Variants in KIRREL3 observed in about 807,000 individuals in gnomAD.
The protein encoded by KIRREL3 is kirre like nephrin family adhesion molecule 3.
A neutral mutation model predicts 89.7 loss-of-function variants in KIRREL3; 36 were observed. That is an observed-to-expected ratio of 0.40 (90% confidence interval 0.31 to 0.53). The LOEUF is 0.53. Ranked by LOEUF, KIRREL3 falls within the 20% of genes least tolerant of loss-of-function variation. The probability of loss-of-function intolerance (pLI) is 0.49; values close to 1 mark genes in which losing one functional copy is unlikely to be tolerated. For synonymous variants in KIRREL3, 445 were observed against 441.4 expected (o/e 1.01, Z -0.10); for missense variants, 864 against 1,056.6 (o/e 0.82, Z 2.53).
rs1949068594 is a variant in KIRREL3 at position 126,744,199 on chromosome 11, G to A, written c.56-181287C>T. On this transcript the variant is annotated intron_variant, in intron 1 of 16. Transcript: ENST00000525144. The surrounding 1 kb of genome is among the most constrained non-coding windows in gnomAD (Gnocchi z 4.7). ...CTGAAGGGCCTTGGGTGCCAGTCAA[G>A]GGACAAAATGGACATTGGTTTGTCT... Among the ~76,000 whole-genome samples the A allele has an allele frequency of 6.6e-6, 1 of 152,166 alleles. No homozygotes were observed. Among genetic ancestry groups the A allele is most frequent in the East Asian group, 1.9e-4 (1 of 5,140 alleles).
intron 1 of KIRREL3, among the ~76,000 whole-genome samples, chr11:126,927,024 A>T (rs1468941310): frequency 6.6e-6 from 1 of 152,244 alleles, no homozygotes; most frequent in East Asian, 1.9e-4. Flanking sequence ...AAATATTGGC[A>T]ATCGAGCTGA....
Position 126,976,082 on chromosome 11 carries a change from A to T in KIRREL3, c.55+24373T>A, listed in dbSNP as rs1177077148. The stretch of plus-strand genomic sequence containing the variant: ...CAGAGGGTGCCATGGGGGTGTTAGC[A>T]TCTTCCAGATGAACACATCGCTTTC... On this transcript the variant is annotated intron_variant, in intron 1 of 16. Transcript: ENST00000525144. This position sits in a 1 kb window ranked among gnomAD's most constrained non-coding sequence, Gnocchi z 4.2. Among the ~76,000 whole-genome samples, 1 of 151,976 alleles carries T rather than the reference A, an allele frequency of 6.6e-6. No homozygotes were observed. Among genetic ancestry groups the T allele is most frequent in the East Asian group, 1.9e-4 (1 of 5,174 alleles).
chr11:126,974,187 CTT>C (rs1209374805), intron 1 of KIRREL3, among the ~76,000 whole-genome samples: 1 of 152,166 alleles, frequency 6.6e-6, no homozygotes, highest in Non-Finnish European at 1.5e-5. Flanking sequence ...TTGTCCATCT[CTT>C]TGTTTCAAAT....
At chr11:126,854,624 T>C (rs1180116854) in intron 1 of KIRREL3, among the ~76,000 whole-genome samples, 1 of 152,236 alleles carries the variant, frequency 6.6e-6, no homozygotes, top group Non-Finnish European at 1.5e-5. Context: ...CATTTGTCCA[T>C]TGATAGATGA....
rs1184260643 is a variant in KIRREL3, at chr11:126,694,135, C to A, written c.56-131223G>T. Among the ~76,000 whole-genome samples the A allele has an allele frequency of 6.6e-6, 1 of 152,216 alleles. No homozygotes were observed. Among genetic ancestry groups the A allele is most frequent in the African/African-American group, 2.4e-5 (1 of 41,446 alleles). ...AGCATGGGCTCCATCCCTAAGGGAG[C>A]CACATTCGTTTTTTTTCCTTTCAAA... is the stretch of plus-strand genomic sequence containing the variant. On this transcript the variant is annotated intron_variant, in intron 1 of 16. Coordinates refer to ENST00000525144, the MANE Select transcript of KIRREL3 (RefSeq NM_032531.4). The surrounding 1 kb of genome is among the most constrained non-coding windows in gnomAD (Gnocchi z 4.4).
At chr11:126,547,544 G>A (rs550865158) in intron 2 of KIRREL3, among the ~76,000 whole-genome samples, 30 of 152,192 alleles carry the variant, frequency 2.0e-4, no homozygotes, top group Non-Finnish European at 3.5e-4. Flanking sequence ...ACGGGGTAGG[G>A]GACCCACTGC....
At chr11:126,425,844 T>A in intron 15 of KIRREL3, 120 bp from the exon 16 acceptor site, 1 of 717,662 alleles carries the variant, frequency 1.4e-6, no homozygotes, top group South Asian at 1.8e-5. Context: ...CACCCCTCAC[T>A]GCCTGGACCA....
intron 1 of KIRREL3, among the ~76,000 whole-genome samples, chr11:126,923,480 A>G (rs1329625759): frequency 1.2e-4 from 14 of 121,086 alleles, no homozygotes; most frequent in Middle Eastern, 6.8e-3. Flanking sequence ...GTCTCGCACT[A>G]TCGCCCAGGC....
rs561184174 is a variant in KIRREL3, at chr11:126,521,391, C to T, written c.357G>A (p.Leu119=). ...GGCACTCGTACACCGCATCGTCTTGCAGCTCTGCCCTCAGGATCTTCAGGT... is the reference window on the plus strand; with the variant it reads ...GGCACTCGTACACCGCATCGTCTTGTAGCTCTGCCCTCAGGATCTTCAGGT... The part of the protein sequence containing the change: ...EHHLKILRAE[L]QDDAVYECQA... Residue 119 remains leucine, a synonymous_variant, in exon 4 of 17, where the codon CTG becomes CTA. Coordinates refer to ENST00000525144, the MANE Select transcript of KIRREL3 (RefSeq NM_032531.4). The surrounding 1 kb of genome is among the most constrained non-coding windows in gnomAD (Gnocchi z 4.1). The T allele has an allele frequency of 3.2e-6, 5 of 1,567,376 alleles. 1 individual carries two copies. Among genetic ancestry groups the T allele is most frequent in the Non-Finnish European group, 3.5e-6 (4 of 1,156,062 alleles).
rs985276745 is a variant in KIRREL3 at position 126,610,053 on chromosome 11, T to C, written c.56-47141A>G. On this transcript the variant is annotated intron_variant, in intron 1 of 16. Coordinates refer to ENST00000525144, the MANE Select transcript of KIRREL3 (RefSeq NM_032531.4). This position sits in a 1 kb window ranked among gnomAD's most constrained non-coding sequence, Gnocchi z 4.6. ...GGCCGAAGTCACACATTGTTTCAGT[T>C]ACAAAGTTAGGCCTGACCTGACTCC... 6.6e-6 allele frequency among the ~76,000 whole-genome samples: 1 copy of C among 152,138 alleles called. No individual in the cohort carries two copies. Among genetic ancestry groups the C allele is most frequent in the Non-Finnish European group, 1.5e-5 (1 of 68,018 alleles).
At chr11:126,631,127 TC>T (rs869199036) in intron 1 of KIRREL3, among the ~76,000 whole-genome samples, 17 of 22,764 alleles carry the variant, frequency 7.5e-4, no homozygotes, top group East Asian at 4.9e-3. Flanking sequence ...ATGTATGTAT[TC>T]ATTCATTCAT....
At position 126,778,189 on chromosome 11, in the gene KIRREL3, G is replaced by A. The variant is rs1207503963; in HGVS notation, c.56-215277C>T. ...ACCCTTTCTAGGGTTGTATATTCAT[G>A]AGATTCACATGCACATATTTTTTCT... is the stretch of plus-strand genomic sequence containing the variant. On this transcript the variant is annotated intron_variant, in intron 1 of 16. Coordinates refer to ENST00000525144, the MANE Select transcript of KIRREL3 (RefSeq NM_032531.4). The surrounding 1 kb of genome is among the most constrained non-coding windows in gnomAD (Gnocchi z 4.5). Among the ~76,000 whole-genome samples, 3 of 152,028 alleles carry A rather than the reference G, an allele frequency of 2.0e-5. No individual in the cohort carries two copies. The highest frequency in any genetic ancestry group is 7.2e-5 in the African/African-American group (3 of 41,410).
rs1944526231 is a variant in KIRREL3, at chr11:126,642,931, G to T, written c.56-80019C>A. Among the ~76,000 whole-genome samples the T allele has an allele frequency of 6.6e-6, 1 of 152,090 alleles. No homozygotes were observed. Among genetic ancestry groups the T allele is most frequent in the Non-Finnish European group, 1.5e-5 (1 of 68,018 alleles). ...ACCAAGCATGGTTCCAGAGTACAAG[G>T]ATCCTACAAAGTAAAAGGGTAAAAA... On this transcript the variant is annotated intron_variant, in intron 1 of 16. Coordinates refer to ENST00000525144, the MANE Select transcript of KIRREL3 (RefSeq NM_032531.4). This position sits in a 1 kb window ranked among gnomAD's most constrained non-coding sequence, Gnocchi z 4.9.
rs921643372 is a variant in KIRREL3, at chr11:126,715,070, C to G, written c.56-152158G>C. ...GTGGCTGCATGGCTGGGGACTCCAT[C>G]CTCCTAATGATCAGGTTCTTGTGCA... On this transcript the variant is annotated intron_variant, in intron 1 of 16. Coordinates refer to ENST00000525144, the MANE Select transcript of KIRREL3 (RefSeq NM_032531.4). This position sits in a 1 kb window ranked among gnomAD's most constrained non-coding sequence, Gnocchi z 4.4. 6.6e-6 allele frequency among the ~76,000 whole-genome samples: 1 copy of G among 152,206 alleles called. No homozygotes were observed. Among genetic ancestry groups the G allele is most frequent in the Non-Finnish European group, 1.5e-5 (1 of 68,036 alleles).
intron 1 of KIRREL3, among the ~76,000 whole-genome samples, chr11:126,975,987 C>T (rs1283201214): frequency 2.8e-5 from 4 of 142,704 alleles, no homozygotes; most frequent in Non-Finnish European, 4.5e-5. Context: ...AGTATATGCC[C>T]CAGTTTGTAA....
In KIRREL3 at chr11:126,683,016, G is replaced by GA. The variant is rs1946528668; in HGVS notation, c.56-120105_56-120104insT. 6.6e-6 allele frequency among the ~76,000 whole-genome samples: 1 copy of GA among 152,068 alleles called. No individual in the cohort carries two copies. Among genetic ancestry groups the GA allele is most frequent in the Non-Finnish European group, 1.5e-5 (1 of 68,010 alleles). ...ACTTCAGGCATGCACTACTATGCCT[G>GA]GGTAACTTTTTTGATTTTTATTAGA... is the stretch of plus-strand genomic sequence containing the variant. On this transcript the variant is annotated intron_variant, in intron 1 of 16. Coordinates refer to ENST00000525144, the MANE Select transcript of KIRREL3 (RefSeq NM_032531.4). This position sits in a 1 kb window ranked among gnomAD's most constrained non-coding sequence, Gnocchi z 5.2.
At chr11:126,436,126 C>A (rs1467444979) in intron 12 of KIRREL3, among the ~76,000 whole-genome samples, 1 of 152,156 alleles carries the variant, frequency 6.6e-6, no homozygotes, top group East Asian at 1.9e-4. Flanking sequence ...CGTCAGCGCA[C>A]GGGGGCACAG....
rs566062604 is a variant in KIRREL3, at chr11:126,513,774, C to T, written c.433+7541G>A. Among the ~76,000 whole-genome samples the T allele has an allele frequency of 1.3e-5, 2 of 152,264 alleles. No homozygotes were observed. Among genetic ancestry groups the T allele is most frequent in the African/African-American group, 4.8e-5 (2 of 41,540 alleles). On this transcript the variant is annotated intron_variant, in intron 4 of 16. Coordinates refer to ENST00000525144, the MANE Select transcript of KIRREL3 (RefSeq NM_032531.4). The surrounding 1 kb of genome is among the most constrained non-coding windows in gnomAD (Gnocchi z 5.9). Reference sequence around the variant, plus strand: ...GGGCAGGGCTGGGGCGACCCGCACACCTCAACTCAATGGCTGCAAGACCTC... The same window carrying T: ...GGGCAGGGCTGGGGCGACCCGCACATCTCAACTCAATGGCTGCAAGACCTC...
chr11:126,822,327 A>G (rs1458344137), intron 1 of KIRREL3, among the ~76,000 whole-genome samples: 1 of 152,232 alleles, frequency 6.6e-6, no homozygotes, highest in Non-Finnish European at 1.5e-5. Context: ...GTTCTCAAAC[A>G]TAACTATGCT....
Sources: gnomAD v4.1 joint callset for allele counts (sites outside exome capture counted in the v4.1 genomes callset) on GRCh38, gnomAD v4.1.1 for gene constraint, Gnocchi (gnomAD v3.1) non-coding constraint, MANE v1.5 for transcripts, NCBI Gene and HGNC (gene_info 2026-07-23, HGNC 2026-07-21) for gene names.